The following USP31 variants were observed in gnomAD, a reference collection of about 807,000 sequenced individuals.
USP31 encodes the protein ubiquitin specific peptidase 31, also known as ubiquitin carboxyl-terminal hydrolase 31.
A neutral mutation model predicts 119.4 loss-of-function variants in USP31; 44 were observed. That is an observed-to-expected ratio of 0.37 (90% CI 0.29 to 0.47). USP31 has a LOEUF of 0.47. Among genes scored for constraint, USP31 ranks in the 20% least tolerant of loss-of-function variants. The pLI, the probability that USP31 is intolerant of heterozygous loss-of-function variation, is 0.99. For synonymous variants in USP31, 749 were observed against 705.6 expected (o/e 1.06, Z -0.97); for missense variants, 1,643 against 1,730.2 (o/e 0.95, Z 0.89).
intron 13 of USP31, among the ~76,000 whole-genome samples, chr16:23,075,000 G>A (rs1284862403): frequency 6.6e-6 from 1 of 152,188 alleles, no homozygotes; most frequent in African/African-American, 2.4e-5. Flanking sequence ...AGAGGCACCA[G>A]GAGTGACTCC....
chr16:23,061,913 A>G lies in USP31; in HGVS notation c.*6133T>C, dbSNP rs983885855. ...AGGCACAGTTGGTGAGCAGACCTCTATGGAATGCAAACACGTATTTGAAAG... is the reference window on the plus strand; with the variant it reads ...AGGCACAGTTGGTGAGCAGACCTCTGTGGAATGCAAACACGTATTTGAAAG... On this transcript the variant is annotated 3_prime_UTR_variant, in exon 16 of 16. Coordinates refer to ENST00000219689, the MANE Select transcript of USP31 (RefSeq NM_020718.4). 6.5e-6 allele frequency: 1 copy of G among 152,684 alleles called. No homozygotes were observed. The highest frequency in any genetic ancestry group is 1.5e-5 in the Non-Finnish European group (1 of 68,048). 9.5% of individuals were successfully genotyped at this position (152,684 alleles called of 1,614,324 possible).
At chr16:23,138,339 T>C (rs1903254958) in intron 1 of USP31, among the ~76,000 whole-genome samples, 1 of 152,126 alleles carries the variant, frequency 6.6e-6, no homozygotes, top group Non-Finnish European at 1.5e-5. Context: ...CTTTGAACAG[T>C]TCTAAATTGC....
Position 23,072,171 on chromosome 16 carries a change from G to A in USP31, c.2362C>T (p.His788Tyr), listed in dbSNP as rs1900374155. ...AGSTSSSLCEHWVSRLPGSKP... is the reference protein window; with the variant it reads ...AGSTSSSLCEYWVSRLPGSKP... ...CTGCCCGGGAGCCGGCTCACCCAGT[G>A]TTCACACAGGGAAGAACTTGTGGAG... Residue 788 changes from histidine to tyrosine, a missense_variant, in exon 15 of 16, where the codon CAC becomes TAC. Physicochemically the swap from His to Tyr is moderately conservative, Grantham distance 83. Transcript: ENST00000219689. 6.2e-7 allele frequency: 1 copy of A among 1,609,380 alleles called. No individual in the cohort carries two copies. Among genetic ancestry groups the A allele is most frequent in the Non-Finnish European group, 8.5e-7 (1 of 1,179,988 alleles).
intron 1 of USP31, among the ~76,000 whole-genome samples, chr16:23,112,532 G>A (rs867483187): frequency 9.9e-5 from 15 of 152,050 alleles, no homozygotes; most frequent in Admixed American, 3.9e-4. Context: ...CTGAGAACGC[G>A]CCATTGCACT....
In USP31 at chr16:23,063,002, T is replaced by A. The variant is rs564335640; in HGVS notation, c.*5044A>T. 1 of 152,718 alleles carries A rather than the reference T, an allele frequency of 6.5e-6. No individual in the cohort carries two copies. Among genetic ancestry groups the A allele is most frequent in the East Asian group, 1.9e-4 (1 of 5,188 alleles). 9.5% of individuals were successfully genotyped at this position (152,718 alleles called of 1,614,324 possible). A position where few individuals can be genotyped will look rare whatever the true frequency, so the allele number is the denominator to read the frequency against. ...GCAAATTAGAAACACCCAGAAGCTT[T>A]TAAAATACATGGTAATTCCTGGATC... On this transcript the variant is annotated 3_prime_UTR_variant, in exon 16 of 16. Transcript: ENST00000219689.
At chr16:23,071,662 G>A (rs923324019) in intron 15 of USP31, among the ~76,000 whole-genome samples, 2 of 152,048 alleles carry the variant, frequency 1.3e-5, no homozygotes, top group East Asian at 3.9e-4. Context: ...TGCCAAGCCT[G>A]GAGCCGACTC....
chr16:23,076,884 C>T (rs1008451008), intron 13 of USP31, among the ~76,000 whole-genome samples: 6 of 152,236 alleles, frequency 3.9e-5, no homozygotes, highest in Admixed American at 2.0e-4. Flanking sequence ...CTCCACATCC[C>T]TTTCCATTCT....
rs142357950 is a variant in USP31 at position 23,070,999 on chromosome 16, G to A, written c.2488+1046C>T. ...TGAGGCTTATCGTTAAAATGACAGT[G>A]AATTCTAAGTTTAAAGGCAGTACTG... On this transcript the variant is annotated intron_variant, in intron 15 of 15. Transcript: ENST00000219689. 1.7e-3 allele frequency among the ~76,000 whole-genome samples: 265 copies of A among 152,274 alleles called. 1 individual carries two copies. The highest frequency in any genetic ancestry group is 2.8e-3 in the Non-Finnish European group (190 of 68,032).
At chr16:23,114,402 T>C (rs925654920) in intron 1 of USP31, among the ~76,000 whole-genome samples, 3 of 151,296 alleles carry the variant, frequency 2.0e-5, no homozygotes, top group Admixed American at 6.6e-5. Context: ...TACAGCAAGC[T>C]TCTGTCCTGA....
intron 9 of USP31, 52 bp from the exon 10 acceptor site, chr16:23,085,714 AT>A (rs1163138678): frequency 7.0e-7 from 1 of 1,430,514 alleles, no homozygotes; most frequent in Non-Finnish European, 9.8e-7. Context: ...TTCTAAACAA[AT>A]GATTTTACTT....
At chr16:23,089,608 A>G (rs1396758108) in intron 7 of USP31, among the ~76,000 whole-genome samples, 2 of 152,218 alleles carry the variant, frequency 1.3e-5, no homozygotes, top group Admixed American at 1.3e-4. Flanking sequence ...AAATTTTCAA[A>G]GGCTAACATA....
intron 1 of USP31, among the ~76,000 whole-genome samples, chr16:23,140,211 C>G (rs995146580): frequency 6.6e-5 from 10 of 152,188 alleles, no homozygotes; most frequent in Non-Finnish European, 1.3e-4. Flanking sequence ...TCAAAGCCAT[C>G]CATAATGTGC....
Position 23,106,504 on chromosome 16 carries a change from G to C in USP31, c.772-17C>G. 3 of 1,592,050 alleles carry C rather than the reference G, an allele frequency of 1.9e-6. No homozygotes were observed. The highest frequency in any genetic ancestry group is 2.6e-6 in the Non-Finnish European group (3 of 1,170,090). Reference sequence around the variant, plus strand: ...TGATGGTGGCTAAAAAAAAAAGAAAGTACAACTTCACAGACTAGAAAGACC... The same window carrying C: ...TGATGGTGGCTAAAAAAAAAAGAAACTACAACTTCACAGACTAGAAAGACC... On this transcript the variant is annotated splice_polypyrimidine_tract_variant and intron_variant, in intron 2 of 15. Coordinates refer to ENST00000219689, the MANE Select transcript of USP31 (RefSeq NM_020718.4).
chr16:23,094,600 C>A (rs1052196889), intron 6 of USP31, among the ~76,000 whole-genome samples: 2 of 152,130 alleles, frequency 1.3e-5, no homozygotes, highest in African/African-American at 4.8e-5. Context: ...CCAGTAGGAA[C>A]CGACAGACAC....
In USP31 at chr16:23,108,151, C is replaced by T. The variant is rs1315144909; in HGVS notation, c.666G>A (p.Arg222=). The part of the protein sequence containing the change: ...TIVSKNALQY[R]GNSQHDAQEF... ...CCTGGGCATCATGTTGGGAATTTCC[C>T]CGGTACTGCAGTGCATTCTTTGACA... is the stretch of plus-strand genomic sequence containing the variant. The change falls in exon 2 of 16, where the codon CGG becomes CGA. Residue 222 remains arginine, a synonymous_variant. Coordinates refer to ENST00000219689, the MANE Select transcript of USP31 (RefSeq NM_020718.4). The T allele has an allele frequency of 6.2e-7, 1 of 1,613,712 alleles. No individual in the cohort carries two copies. Among genetic ancestry groups the T allele is most frequent in the Non-Finnish European group, 8.5e-7 (1 of 1,179,862 alleles).
rs1245901016 is a variant in USP31 at position 23,149,103 on chromosome 16, G to A, written c.168C>T (p.Ser56=). The A allele has an allele frequency of 2.3e-5, 29 of 1,260,718 alleles. No homozygotes were observed. The highest frequency in any genetic ancestry group is 2.9e-4 in the Middle Eastern group (1 of 3,492). The allele number at this position is 1,260,718 out of a possible 1,614,324, so 78.1% of individuals were successfully genotyped here. A position where few individuals can be genotyped will look rare whatever the true frequency, so the allele number is the denominator to read the frequency against. Residue 56 remains serine (S), a synonymous_variant, in exon 1 of 16, where the codon TCC becomes TCT. Transcript: ENST00000219689. ...TGAAGCTGCCCACCGAGCGTGCAGA[G>A]GAGGGCGAGGAGGGCGAGGAAGGCG... ...PAAPSSPSSP[S]SARSVGSFMS...
At position 23,069,504 on chromosome 16, in the gene USP31, C is replaced by T. The variant is rs996365359; in HGVS notation, c.2601G>A (p.Trp867Ter). The part of the protein sequence containing the change: ...AVNENCMRPS[W>*]SLSAKLQMRS... Reference sequence around the variant, plus strand: ...GCATCTGCAGCTTAGCAGACAGGGACCATGAAGGTCTCATGCAATTTTCAT... The same window carrying T: ...GCATCTGCAGCTTAGCAGACAGGGATCATGAAGGTCTCATGCAATTTTCAT... The change falls in exon 16 of 16, where the codon TGG becomes TGA. Residue 867 changes from tryptophan to a stop codon, truncating the protein, a stop_gained. Coordinates refer to ENST00000219689, the MANE Select transcript of USP31 (RefSeq NM_020718.4). LOFTEE classifies it high-confidence loss of function. 6.2e-7 allele frequency: 1 copy of T among 1,614,220 alleles called. No homozygotes were observed. Among genetic ancestry groups the T allele is most frequent in the South Asian group, 1.1e-5 (1 of 91,082 alleles).
At position 23,068,700 on chromosome 16, in the gene USP31, G is replaced by C; in HGVS notation, c.3405C>G (p.Gly1135=). The C allele has an allele frequency of 6.2e-7, 1 of 1,613,756 alleles. No individual in the cohort carries two copies. The highest frequency in any genetic ancestry group is 8.5e-7 in the Non-Finnish European group (1 of 1,179,864). The stretch of plus-strand genomic sequence containing the variant: ...GTGGGAAAGGGCTCCTTGTGGCAGG[G>C]CCCGAGGCCTTTTTGGCAGATGTGG... ...ASSTSAKKAS[G]PATRSPFPPG... Residue 1135 remains glycine, a synonymous_variant, in exon 16 of 16, where the codon GGC becomes GGG. Coordinates refer to ENST00000219689, the MANE Select transcript of USP31 (RefSeq NM_020718.4).
chr16:23,122,654 A>C (rs1902711956), intron 1 of USP31, among the ~76,000 whole-genome samples: 1 of 152,230 alleles, frequency 6.6e-6, no homozygotes, highest in South Asian at 2.1e-4. Context: ...ATACTACAAC[A>C]TGATTAATCT....
Sources: gnomAD v4.1 joint callset for allele counts (sites outside exome capture counted in the v4.1 genomes callset) on GRCh38, gnomAD v4.1.1 for gene constraint, MANE v1.5 for transcripts, NCBI Gene and HGNC (gene_info 2026-07-23, HGNC 2026-07-21) for gene names.